Variants in SPAG16 observed in about 807,000 individuals in gnomAD.
The protein encoded by SPAG16 is sperm associated antigen 16, also known as sperm-associated antigen 16 protein.
Under a neutral mutation model 80.4 loss-of-function variants are expected in SPAG16, and 86 were observed. The ratio of observed to expected loss-of-function variants is 1.07; its 90% CI spans 0.90 to 1.28. The LOEUF (loss-of-function observed/expected upper bound fraction) is 1.28. SPAG16 is among the 50% of genes most tolerant of loss of function. SPAG16 has a pLI of 0.00. For missense variants in SPAG16, 870 were observed against 765.3 expected, an observed-to-expected ratio of 1.14 and a Z score of -1.61; for synonymous variants, 294 against 265.9, an observed-to-expected ratio of 1.11 and a Z score of -1.03.
intron 10 of SPAG16, among the ~76,000 whole-genome samples, chr2:213,671,860 G>A (rs1362093126): frequency 6.6e-6 from 1 of 152,102 alleles, no homozygotes; most frequent in Non-Finnish European, 1.5e-5. Context: ...TCACCCAGGA[G>A]GAAATTGAGG....
At chr2:213,790,731 A>C (rs1225573377) in intron 10 of SPAG16, among the ~76,000 whole-genome samples, 1 of 152,048 alleles carries the variant, frequency 6.6e-6, no homozygotes, top group Non-Finnish European at 1.5e-5. Context: ...GTGTATATGC[A>C]TAGAGGTAGA....
At chr2:213,998,512 C>CA (rs2046635057) in intron 12 of SPAG16, among the ~76,000 whole-genome samples, 1 of 152,132 alleles carries the variant, frequency 6.6e-6, no homozygotes, top group Non-Finnish European at 1.5e-5. Context: ...GTCCAATAAA[C>CA]CTTTTTTTCT....
intron 3 of SPAG16, 37 bp from the exon 4 acceptor site, chr2:213,310,022 T>A (rs1187774445): frequency 1.5e-6 from 2 of 1,303,786 alleles, no homozygotes; most frequent in Non-Finnish European, 2.2e-6. Flanking sequence ...AATGCTTTGA[T>A]GTTTTCAGAA....
chr2:213,370,972 C>T (rs1465653366), intron 8 of SPAG16, among the ~76,000 whole-genome samples: 2 of 152,188 alleles, frequency 1.3e-5, no homozygotes, highest in African/African-American at 2.4e-5. Flanking sequence ...TAATTTTATG[C>T]TCTTTGTAAA....
intron 10 of SPAG16, among the ~76,000 whole-genome samples, chr2:213,829,491 C>T (rs1485570333): frequency 6.6e-6 from 1 of 152,142 alleles, no homozygotes; most frequent in African/African-American, 2.4e-5. Flanking sequence ...TGCCCTTCCC[C>T]ACTATGGCCA....
At chr2:214,156,800 A>C (rs1371947716) in intron 15 of SPAG16, among the ~76,000 whole-genome samples, 1 of 152,138 alleles carries the variant, frequency 6.6e-6, no homozygotes. Context: ...TCTCTAAAAA[A>C]CAAACAAACA....
intron 15 of SPAG16, among the ~76,000 whole-genome samples, chr2:214,263,434 G>T (rs1342520891): frequency 2.0e-5 from 3 of 152,154 alleles, no homozygotes; most frequent in Non-Finnish European, 2.9e-5. Flanking sequence ...ATAAGCACTT[G>T]ATAGAAGCAT....
intron 15 of SPAG16, among the ~76,000 whole-genome samples, chr2:214,207,361 A>G (rs1271129473): frequency 6.6e-6 from 1 of 152,122 alleles, no homozygotes; most frequent in African/African-American, 2.4e-5. Flanking sequence ...TCTCCTCATC[A>G]TATTACATCT....
chr2:213,700,323 CAAAT>C (rs1373872035), intron 10 of SPAG16, among the ~76,000 whole-genome samples: 14 of 151,958 alleles, frequency 9.2e-5, no homozygotes, highest in Non-Finnish European at 1.8e-4. Flanking sequence ...ATCAAATTCA[CAAAT>C]AAAGTTAGCT....
chr2:213,879,591 GT>G (rs1362866359), intron 11 of SPAG16, among the ~76,000 whole-genome samples: 1 of 152,138 alleles, frequency 6.6e-6, no homozygotes, highest in East Asian at 1.9e-4. Flanking sequence ...TAGGTTGTGA[GT>G]GTAGTACAGA....
At chr2:213,785,864 G>A (rs761109934) in intron 10 of SPAG16, among the ~76,000 whole-genome samples, 2 of 151,950 alleles carry the variant, frequency 1.3e-5, no homozygotes, top group African/African-American at 4.8e-5. Flanking sequence ...AAAATTAGCT[G>A]GGCATGGTGG....
chr2:213,976,561 G>T (rs1378008223), intron 12 of SPAG16, among the ~76,000 whole-genome samples: 1 of 151,970 alleles, frequency 6.6e-6, no homozygotes, highest in African/African-American at 2.4e-5. Context: ...TAAGAGTATT[G>T]GTGGGATGTA....
intron 15 of SPAG16, among the ~76,000 whole-genome samples, chr2:214,377,031 A>G (rs750029169): frequency 6.6e-6 from 1 of 152,244 alleles, no homozygotes; most frequent in Non-Finnish European, 1.5e-5. Context: ...GTTTTAAATA[A>G]TAACTACCTA....
intron 15 of SPAG16, among the ~76,000 whole-genome samples, chr2:214,222,999 G>A (rs1283780467): frequency 2.0e-5 from 3 of 151,996 alleles, no homozygotes; most frequent in Admixed American, 6.6e-5. Flanking sequence ...CTAATTTCTT[G>A]ACAAAAAAGA....
chr2:213,404,425 T>C (rs2068499427), intron 9 of SPAG16, among the ~76,000 whole-genome samples: 1 of 152,138 alleles, frequency 6.6e-6, no homozygotes, highest in African/African-American at 2.4e-5. Flanking sequence ...CTATCTGATC[T>C]TTGACAAACC....
At chr2:213,374,562 C>T (rs2066793736) in intron 8 of SPAG16, among the ~76,000 whole-genome samples, 1 of 151,904 alleles carries the variant, frequency 6.6e-6, no homozygotes, top group Non-Finnish European at 1.5e-5. Flanking sequence ...GAATATTACC[C>T]TGTGTTTTTC....
At chr2:214,339,955 C>A (rs1697554536) in intron 15 of SPAG16, among the ~76,000 whole-genome samples, 1 of 152,112 alleles carries the variant, frequency 6.6e-6, no homozygotes, top group South Asian at 2.1e-4. Context: ...CACGTAAGCC[C>A]CTAAGCAAAG....
intron 10 of SPAG16, among the ~76,000 whole-genome samples, chr2:213,795,207 G>T (rs1056259724): frequency 6.6e-6 from 1 of 150,674 alleles, no homozygotes; most frequent in Admixed American, 6.6e-5. Flanking sequence ...GTAATGAGAT[G>T]TTATGTTTAG....
chr2:213,644,019 G>A lies in SPAG16; in HGVS notation c.1070+153929G>A, dbSNP rs112456690. 1.5e-3 allele frequency among the ~76,000 whole-genome samples: 221 copies of A among 150,700 alleles called. 1 individual carries two copies. The highest frequency in any genetic ancestry group is 4.3e-3 in the African/African-American group (177 of 40,940). ...TGGTCTTGAACTCCTAACCTCAGGT[G>A]ATCCACCCTCCTCAGCCTCCCAAAA... On this transcript the variant is annotated intron_variant, in intron 10 of 15. Coordinates refer to ENST00000331683, the MANE Select transcript of SPAG16 (RefSeq NM_024532.5).
Sources: allele counts gnomAD v4.1 joint callset (sites outside exome capture counted in the v4.1 genomes callset), GRCh38; gene constraint gnomAD v4.1.1; transcripts MANE v1.5; gene names NCBI Gene and HGNC (gene_info 2026-07-23, HGNC 2026-07-21).